Variants in ZRANB1 observed in about 807,000 individuals in gnomAD.
ZRANB1 encodes the protein ubiquitin thioesterase ZRANB1.
Under a neutral mutation model 80.5 loss-of-function variants are expected in ZRANB1, and 16 were observed. That is an observed-to-expected ratio of 0.20 (90% CI 0.13 to 0.30). The LOEUF (loss-of-function observed/expected upper bound fraction) is 0.30, where lower values mean the gene tolerates loss of function less well. ZRANB1 is among the 10% of genes least tolerant of loss of function. The pLI, the probability that ZRANB1 is intolerant of heterozygous loss-of-function variation, is 1.00. For missense variants in ZRANB1, 576 were observed against 862.6 expected, an observed-to-expected ratio of 0.67 and a Z score of 4.16; for synonymous variants, 291 against 293.1, an observed-to-expected ratio of 0.99 and a Z score of 0.07.
intron 1 of ZRANB1, among the ~76,000 whole-genome samples, chr10:124,957,172 G>GT (rs34968792): frequency 1.4e-4 from 21 of 145,680 alleles, no homozygotes; most frequent in African/African-American, 3.8e-4. Flanking sequence ...AACAGCACCT[G>GT]TTTTTTTTTT....
intron 1 of ZRANB1, among the ~76,000 whole-genome samples, chr10:124,949,907 G>C (rs911639428): frequency 1.3e-5 from 2 of 152,098 alleles, no homozygotes; most frequent in Admixed American, 1.3e-4. Context: ...CTGAAGTTTT[G>C]GGGTGACGTG....
rs373050331 is a variant in ZRANB1 at position 124,953,883 on chromosome 10, C to T, written c.814+10576C>T. ...CTTTTTAAGTGCTGGGTTATGAACT[C>T]TGATTGTATGCTGATGCCAAACTAG... On this transcript the variant is annotated intron_variant, in intron 1 of 8. Coordinates refer to ENST00000359653, the MANE Select transcript of ZRANB1 (RefSeq NM_017580.3). 4.6e-5 allele frequency among the ~76,000 whole-genome samples: 7 copies of T among 151,224 alleles called. No individual in the cohort carries two copies. The East Asian group carries it at 5.8e-4, about 12-fold the overall frequency.
Position 124,987,793 on chromosome 10 carries a change from A to G in ZRANB1, c.*2801A>G, listed in dbSNP as rs1952093843. ...TTAATTGGGAAGGGAAGTATAAGGA[A>G]GAGCTCAGAGGGAGTTTCATACCTG... On this transcript the variant is annotated 3_prime_UTR_variant, in exon 9 of 9. Coordinates refer to ENST00000359653, the MANE Select transcript of ZRANB1 (RefSeq NM_017580.3). The G allele has an allele frequency of 6.6e-6, 1 of 152,206 alleles. No homozygotes were observed. Among genetic ancestry groups the G allele is most frequent in the African/African-American group, 2.4e-5 (1 of 41,452 alleles). The allele number at this position is 152,206 out of a possible 1,614,324, so 9.4% of individuals were successfully genotyped here.
chr10:124,986,743 C>G lies in ZRANB1; in HGVS notation c.*1751C>G, dbSNP rs1466431683. 1 of 152,140 alleles carries G rather than the reference C, an allele frequency of 6.6e-6. No homozygotes were observed. Among genetic ancestry groups the G allele is most frequent in the African/African-American group, 2.4e-5 (1 of 41,438 alleles). 9.4% of individuals were successfully genotyped at this position (152,140 alleles called of 1,614,324 possible). A position where few individuals can be genotyped will look rare whatever the true frequency, so the allele number is the denominator to read the frequency against. On this transcript the variant is annotated 3_prime_UTR_variant, in exon 9 of 9. Transcript: ENST00000359653. ...CTACTTAGCATCTGTAGTAATTTCT[C>G]TATGTATAGGGATAATTTTTTAGTG...
Position 124,988,035 on chromosome 10 carries a change from T to TTAAAGTCAGAACTC in ZRANB1, c.*3048_*3061dup, listed in dbSNP as rs1952111574. 1 of 152,556 alleles carries TTAAAGTCAGAACTC rather than the reference T, an allele frequency of 6.6e-6. No homozygotes were observed. Among genetic ancestry groups the TTAAAGTCAGAACTC allele is most frequent in the African/African-American group, 2.4e-5 (1 of 41,454 alleles). The allele number at this position is 152,556 out of a possible 1,614,324, so 9.5% of individuals were successfully genotyped here. A position where few individuals can be genotyped will look rare whatever the true frequency, so the allele number is the denominator to read the frequency against. On this transcript the variant is annotated 3_prime_UTR_variant, in exon 9 of 9. Coordinates refer to ENST00000359653, the MANE Select transcript of ZRANB1 (RefSeq NM_017580.3). ...CCAGGTCATTTTGCTTTGGGGTAGATTAAAGTCAGAACTCTAAAAGTTGAG... is the reference window on the plus strand; with the variant it reads ...CCAGGTCATTTTGCTTTGGGGTAGATTAAAGTCAGAACTCTAAAGTCAGAACTCTAAAAGTTGAG...
intron 1 of ZRANB1, among the ~76,000 whole-genome samples, chr10:124,948,047 C>G (rs1463553003): frequency 6.6e-6 from 1 of 152,146 alleles, no homozygotes; most frequent in African/African-American, 2.4e-5. Context: ...TAACACAGGT[C>G]TGAACTGTGC....
Position 124,985,043 on chromosome 10 carries a change from TAA to T in ZRANB1, c.*53_*54del, listed in dbSNP as rs1952002915. 1 of 1,411,770 alleles carries T rather than the reference TAA, an allele frequency of 7.1e-7. No individual in the cohort carries two copies. The highest frequency in any genetic ancestry group is 9.8e-7 in the Non-Finnish European group (1 of 1,021,408). 87.5% of individuals were successfully genotyped at this position (1,411,770 alleles called of 1,614,324 possible). A position where few individuals can be genotyped will look rare whatever the true frequency, so the allele number is the denominator to read the frequency against. Reference sequence around the variant, plus strand: ...CAAGGCATCAGATCTGTAATGACCCTAAAGTTAGTGTGGTGCTCCAAGCAGAG... The same window carrying T: ...CAAGGCATCAGATCTGTAATGACCCTAGTTAGTGTGGTGCTCCAAGCAGAG... On this transcript the variant is annotated 3_prime_UTR_variant, in exon 9 of 9. Transcript: ENST00000359653.
the ZRANB1 span, among the ~76,000 whole-genome samples, chr10:124,934,926 GAGA>G: frequency 6.6e-6 from 1 of 152,206 alleles, no homozygotes; most frequent in East Asian, 1.9e-4. Flanking sequence ...AAAAGCTACT[GAGA>G]TTGGAGGAAA....
At chr10:124,923,532 C>CA in the ZRANB1 span, among the ~76,000 whole-genome samples, 1 of 151,926 alleles carries the variant, frequency 6.6e-6, no homozygotes, top group African/African-American at 2.4e-5. Context: ...GTGGAGGTTG[C>CA]AGTGAGCCGA....
upstream of ZRANB1, chr10:124,940,384 T>C: frequency 1.7e-6 from 1 of 578,010 alleles, no homozygotes; most frequent in Admixed American, 3.6e-5. Flanking sequence ...GAATAGCTAT[T>C]CAGTCAGACA....
intron 1 of ZRANB1, among the ~76,000 whole-genome samples, 197 bp downstream of exon 1, chr10:124,943,504 T>A (rs1340243438): frequency 3.4e-5 from 5 of 147,850 alleles, no homozygotes; most frequent in Non-Finnish European, 7.4e-5. Context: ...TGAGACTGTG[T>A]CTCCACGCAC....
At chr10:124,929,397 G>A in the ZRANB1 span, among the ~76,000 whole-genome samples, 1 of 150,852 alleles carries the variant, frequency 6.6e-6, no homozygotes, top group East Asian at 2.0e-4. Flanking sequence ...GTGCAGTGGC[G>A]AGATCTCGGC....
At chr10:124,919,371 C>G in the ZRANB1 span, among the ~76,000 whole-genome samples, 1 of 152,002 alleles carries the variant, frequency 6.6e-6, no homozygotes, top group South Asian at 2.1e-4. Flanking sequence ...ATGGTGAAAC[C>G]CCGTCTCTAC....
At chr10:124,935,765 G>C in the ZRANB1 span, among the ~76,000 whole-genome samples, 2 of 152,296 alleles carry the variant, frequency 1.3e-5, no homozygotes, top group African/African-American at 4.8e-5. Context: ...CTCTTCTTGG[G>C]TTTTACTAAA....
At position 124,964,237 on chromosome 10, in the gene ZRANB1, A is replaced by G. The variant is rs534386957; in HGVS notation, c.815-2357A>G. ...TGGTTATATTTTTAAAAAGCACTTA[A>G]TGAAAGCAGAATTGGTGATATTATT... On this transcript the variant is annotated intron_variant, in intron 1 of 8. Transcript: ENST00000359653. Among the ~76,000 whole-genome samples, 4 of 152,386 alleles carry G rather than the reference A, an allele frequency of 2.6e-5. No homozygotes were observed. In the South Asian group the frequency reaches 8.3e-4, roughly 32 times the overall value.
chr10:124,983,230 G>T lies in ZRANB1; in HGVS notation c.1604G>T (p.Arg535Leu). 3.1e-6 allele frequency: 5 copies of T among 1,614,096 alleles called. No individual in the cohort carries two copies. Among genetic ancestry groups the T allele is most frequent in the Non-Finnish European group, 4.2e-6 (5 of 1,180,012 alleles). ...TTTGTACTGGCACATATTCTTAGAC[G>T]ACCAATTATAGTTTATGGAGTAAAA... is the stretch of plus-strand genomic sequence containing the variant. ...HIFVLAHILR[R>L]PIIVYGVKYY... is the part of the protein sequence containing the mutation. The change falls in exon 7 of 9, where the codon CGA becomes CTA. Residue 535 changes from arginine (R) to leucine (L), a missense_variant. Transcript: ENST00000359653. The surrounding 1 kb of genome is among the most constrained non-coding windows in gnomAD (Gnocchi z 6.2).
intron 1 of ZRANB1, chr10:124,946,508 T>C (rs7067770): frequency 0.83 from 125,918 of 152,040 alleles, 52,692 homozygotes; most frequent in East Asian, 0.95. Flanking sequence ...ATTTATAAAA[T>C]GATTTGTCAT....
chr10:124,961,697 TTTAA>T (rs758034815), intron 1 of ZRANB1, among the ~76,000 whole-genome samples: 2 of 152,256 alleles, frequency 1.3e-5, no homozygotes, highest in African/African-American at 2.4e-5. Flanking sequence ...TTTAGAAAGC[TTTAA>T]TTAGTGACTA....
chr10:124,968,323 G>C (rs1951793157), intron 2 of ZRANB1, among the ~76,000 whole-genome samples: 2 of 152,190 alleles, frequency 1.3e-5, no homozygotes, highest in Non-Finnish European at 2.9e-5. Flanking sequence ...ATTCAAATTT[G>C]CCAATATTTG....
Sources: allele counts gnomAD v4.1 joint callset (sites outside exome capture counted in the v4.1 genomes callset), GRCh38; gene constraint gnomAD v4.1.1; non-coding constraint Gnocchi (gnomAD v3.1); transcripts MANE v1.5; gene names NCBI Gene and HGNC (gene_info 2026-07-23, HGNC 2026-07-21).